DGKB: variants seen among roughly 807,000 people sequenced by gnomAD.
DGKB encodes the protein 90 kDa diacylglycerol kinase.
Under a neutral mutation model 114.3 loss-of-function variants are expected in DGKB, and 67 were observed. The observed-to-expected ratio is 0.59, with a 90% CI of 0.48 to 0.72. DGKB has a LOEUF of 0.72. Ranked by LOEUF, DGKB falls within the 30% of genes least tolerant of loss-of-function variation. The pLI, the probability that DGKB is intolerant of heterozygous loss-of-function variation, is 0.00. For missense variants in DGKB, 907 were observed against 975.2 expected (o/e 0.93, Z 0.93); for synonymous variants, 398 against 323.1 (o/e 1.23, Z -2.49).
At chr7:14,615,226 T>C (rs1216829439) in intron 15 of DGKB, among the ~76,000 whole-genome samples, 1 of 152,004 alleles carries the variant, frequency 6.6e-6, no homozygotes, top group Non-Finnish European at 1.5e-5. Flanking sequence ...ATGAGCAAAG[T>C]ATTAACTCTG....
rs921574447 is a variant in DGKB at position 14,648,370 on chromosome 7, C to T, written c.1135-18102G>A. Among the ~76,000 whole-genome samples, 4 of 152,308 alleles carry T rather than the reference C, an allele frequency of 2.6e-5. No homozygotes were observed. The East Asian group carries it at 5.8e-4, about 22-fold the overall frequency. ...CCGAGCAGCCTAACTGGGAGGCACCCCCCAGCAGGGGCACACTCACACCTC... is the reference window on the plus strand; with the variant it reads ...CCGAGCAGCCTAACTGGGAGGCACCTCCCAGCAGGGGCACACTCACACCTC... On this transcript the variant is annotated intron_variant, in intron 13 of 25. Transcript: ENST00000402815.
intron 21 of DGKB, among the ~76,000 whole-genome samples, chr7:14,385,016 G>A (rs767626809): frequency 1.3e-5 from 2 of 151,982 alleles, no homozygotes; most frequent in Non-Finnish European, 2.9e-5. Flanking sequence ...AATAATTGTG[G>A]CATTCGGTAA....
At chr7:14,515,601 A>G (rs1392025519) in intron 20 of DGKB, among the ~76,000 whole-genome samples, 1 of 152,232 alleles carries the variant, frequency 6.6e-6, no homozygotes, top group Non-Finnish European at 1.5e-5. Context: ...ATCAAGGAAA[A>G]GAAAAAATCA....
At chr7:14,769,945 T>C (rs1483755855) in intron 2 of DGKB, among the ~76,000 whole-genome samples, 1 of 152,138 alleles carries the variant, frequency 6.6e-6, no homozygotes, top group Admixed American at 6.6e-5. Context: ...ACATCAAATG[T>C]AATTACAAAA....
chr7:14,720,359 C>T (rs1470502979), intron 5 of DGKB, among the ~76,000 whole-genome samples: 2 of 151,872 alleles, frequency 1.3e-5, no homozygotes, highest in Non-Finnish European at 2.9e-5. Flanking sequence ...GGCTGGAGTG[C>T]AATGGTGCGA....
intron 4 of DGKB, among the ~76,000 whole-genome samples, chr7:14,742,926 T>C (rs2128415568): frequency 6.6e-6 from 1 of 152,312 alleles, no homozygotes; most frequent in African/African-American, 2.4e-5. Context: ...AAGGTTTAAA[T>C]AGTTGTGGAA....
At chr7:14,756,301 T>TGA (rs1485858344) in intron 3 of DGKB, among the ~76,000 whole-genome samples, 5 of 152,078 alleles carry the variant, frequency 3.3e-5, no homozygotes, top group Non-Finnish European at 7.4e-5. Flanking sequence ...ATCTTTACGT[T>TGA]TCCCACCCTG....
At chr7:14,575,421 A>G (rs183207296) in intron 19 of DGKB, among the ~76,000 whole-genome samples, 3 of 152,316 alleles carry the variant, frequency 2.0e-5, no homozygotes, top group East Asian at 3.9e-4. Context: ...TACATTCTCA[A>G]TATTCAATTT....
At chr7:14,259,250 A>G (rs951756739) in intron 23 of DGKB, among the ~76,000 whole-genome samples, 1 of 152,172 alleles carries the variant, frequency 6.6e-6, no homozygotes, top group African/African-American at 2.4e-5. Flanking sequence ...AAAAAAGCCT[A>G]TTTTATATAT....
chr7:14,215,856 T>TCAAA (rs923324760), intron 23 of DGKB, among the ~76,000 whole-genome samples: 21 of 152,296 alleles, frequency 1.4e-4, no homozygotes, highest in South Asian at 4.1e-4. Flanking sequence ...TTCACAAAAG[T>TCAAA]CAAACATTAA....
At chr7:14,308,549 A>G (rs1253398715) in intron 23 of DGKB, among the ~76,000 whole-genome samples, 2 of 152,188 alleles carry the variant, frequency 1.3e-5, no homozygotes, top group African/African-American at 4.8e-5. Flanking sequence ...TTGAGGCATA[A>G]TTATCTTCTT....
chr7:14,504,117 T>A (rs1170360362), intron 20 of DGKB, among the ~76,000 whole-genome samples: 1 of 152,202 alleles, frequency 6.6e-6, no homozygotes, highest in East Asian at 1.9e-4. Context: ...ACAACCACAA[T>A]ACACTATATC....
chr7:14,616,582 T>C, intron 15 of DGKB, among the ~76,000 whole-genome samples: 1 of 151,758 alleles, frequency 6.6e-6, no homozygotes, highest in East Asian at 1.9e-4. Flanking sequence ...TGTCAAAAAT[T>C]CTGTCAGCTG....
At chr7:14,392,995 G>GTTTTTTTTTTTTTTTTTTTTTTTTTTTTT (rs1554404748) in intron 21 of DGKB, among the ~76,000 whole-genome samples, 15 of 60,548 alleles carry the variant, frequency 2.5e-4, no homozygotes, top group East Asian at 1.1e-3. Context: ...TTTTGTTTTT[G>GTTTTTTTTTTTTTTTTTTTTTTTTTTTTT]TTTTTTTTTT....
intron 23 of DGKB, among the ~76,000 whole-genome samples, chr7:14,223,655 T>C (rs1197431789): frequency 6.6e-6 from 1 of 151,866 alleles, no homozygotes; most frequent in Admixed American, 6.6e-5. Context: ...GCTTTCAACC[T>C]GCACACTTGC....
intron 23 of DGKB, among the ~76,000 whole-genome samples, chr7:14,270,074 A>G (rs896948690): frequency 1.7e-4 from 25 of 147,144 alleles, no homozygotes; most frequent in East Asian, 4.1e-4. Context: ...AAAAAAAAAA[A>G]AGAGAGAGAT....
chr7:14,375,237 A>G (rs1818296075), intron 21 of DGKB, among the ~76,000 whole-genome samples: 1 of 152,228 alleles, frequency 6.6e-6, no homozygotes, highest in South Asian at 2.1e-4. Flanking sequence ...ACCTCGTTGG[A>G]GAAGCTTCCA....
At chr7:14,706,359 T>C (rs1826227888) in intron 6 of DGKB, among the ~76,000 whole-genome samples, 1 of 143,080 alleles carries the variant, frequency 7.0e-6, no homozygotes, top group Non-Finnish European at 1.5e-5. Context: ...TCCCACACAA[T>C]AATAATGGGA....
chr7:14,386,180 T>C (rs1217845054), intron 21 of DGKB, among the ~76,000 whole-genome samples: 3 of 152,244 alleles, frequency 2.0e-5, no homozygotes, highest in Non-Finnish European at 4.4e-5. Context: ...AAGCTTCTAA[T>C]GTAATGATGC....
Sources: gnomAD v4.1 joint callset for allele counts (sites outside exome capture counted in the v4.1 genomes callset) on GRCh38, gnomAD v4.1.1 for gene constraint, MANE v1.5 for transcripts, NCBI Gene and HGNC (gene_info 2026-07-23, HGNC 2026-07-21) for gene names.